The following ZBBX variants were observed in gnomAD, a reference collection of about 807,000 sequenced individuals.
The protein encoded by ZBBX is zinc finger B-box domain containing, also known as zinc finger B-box domain-containing protein 1.
A neutral mutation model predicts 108.5 loss-of-function variants in ZBBX; 101 were observed. That is an observed-to-expected ratio of 0.93 (90% CI 0.79 to 1.10). ZBBX has a LOEUF of 1.10. Among genes scored for constraint, ZBBX ranks in the 50% least tolerant of loss-of-function variants. The pLI is 0.00. For synonymous variants in ZBBX, 356 were observed against 323.4 expected, an observed-to-expected ratio of 1.10 and a Z score of -1.08; for missense variants, 1,009 against 941.4, an observed-to-expected ratio of 1.07 and a Z score of -0.94.
intron 20 of ZBBX, among the ~76,000 whole-genome samples, chr3:167,250,665 ATGCCCCC>A (rs1388871908): frequency 6.6e-6 from 1 of 151,980 alleles, no homozygotes; most frequent in East Asian, 1.9e-4. Context: ...CCCCAGAACA[ATGCCCCC>A]TGTCAGCAGG....
rs1160953814 is a variant in ZBBX, at chr3:167,380,293, TA to T, written c.-334del. On this transcript the variant is annotated 5_prime_UTR_variant, in exon 1 of 22. Transcript: ENST00000675490. ...GTCACCACCGCCGGATGGCCGCGGA[TA>T]GCTGCCGGGAGTTTCCGTCTTGGTC... The T allele has an allele frequency of 5.3e-5, 8 of 152,272 alleles. No individual in the cohort carries two copies. The highest frequency in any genetic ancestry group is 1.9e-4 in the African/African-American group (8 of 41,466). The allele number at this position is 152,272 out of a possible 1,614,324, so 9.4% of individuals were successfully genotyped here.
intron 10 of ZBBX, among the ~76,000 whole-genome samples, chr3:167,333,332 A>G (rs1329166881): frequency 6.6e-6 from 1 of 152,132 alleles, no homozygotes; most frequent in African/African-American, 2.4e-5. Flanking sequence ...AAATATATAG[A>G]CATGAGTTGA....
intron 16 of ZBBX, among the ~76,000 whole-genome samples, chr3:167,310,544 T>C (rs1053782569): frequency 1.1e-4 from 16 of 152,128 alleles, no homozygotes; most frequent in Admixed American, 8.5e-4. Flanking sequence ...CTTATAATCA[T>C]GGCAGAAGGT....
the ZBBX span, among the ~76,000 whole-genome samples, chr3:167,183,978 C>T: frequency 3.9e-5 from 6 of 152,110 alleles, no homozygotes; most frequent in African/African-American, 1.2e-4. Context: ...AAAGACAATT[C>T]TGTGTTGTAA....
intron 17 of ZBBX, among the ~76,000 whole-genome samples, chr3:167,302,727 T>C (rs984729126): frequency 1.3e-5 from 2 of 152,172 alleles, no homozygotes; most frequent in African/African-American, 4.8e-5. Flanking sequence ...AATGACTTTA[T>C]CACTCACAAC....
chr3:167,366,556 TA>T, intron 5 of ZBBX, among the ~76,000 whole-genome samples: 1 of 151,826 alleles, frequency 6.6e-6, no homozygotes, highest in Non-Finnish European at 1.5e-5. Context: ...CATTAAAAAA[TA>T]ACAATAAGAC....
At chr3:167,368,161 A>G (rs1003105252) in intron 5 of ZBBX, among the ~76,000 whole-genome samples, 1 of 151,518 alleles carries the variant, frequency 6.6e-6, no homozygotes, top group Non-Finnish European at 1.5e-5. Context: ...CACTGCTGTC[A>G]TAAACATTCC....
chr3:167,290,176 T>A lies in ZBBX; in HGVS notation c.1880-1193A>T, dbSNP rs967406850. On this transcript the variant is annotated intron_variant, in intron 18 of 21. Coordinates refer to ENST00000675490, the MANE Select transcript of ZBBX (RefSeq NM_001199201.2). ...GACTTAAACATCCCTGCCTGGCAGCTCTGAAGAGAACAGCAGATCTCCCAG... is the reference window on the plus strand; with the variant it reads ...GACTTAAACATCCCTGCCTGGCAGCACTGAAGAGAACAGCAGATCTCCCAG... Among the ~76,000 whole-genome samples the A allele has an allele frequency of 2.6e-5, 4 of 152,214 alleles. No homozygotes were observed. In the East Asian group the frequency reaches 7.8e-4, roughly 30 times the overall value.
chr3:167,263,878 C>A (rs563889005), intron 20 of ZBBX, among the ~76,000 whole-genome samples: 1 of 152,222 alleles, frequency 6.6e-6, no homozygotes, highest in East Asian at 1.9e-4. Context: ...ATAATATTTG[C>A]GTTATATATC....
At chr3:167,253,095 C>T (rs1357673187) in intron 20 of ZBBX, among the ~76,000 whole-genome samples, 1 of 151,882 alleles carries the variant, frequency 6.6e-6, no homozygotes, top group Non-Finnish European at 1.5e-5. Context: ...CCTCTAACCC[C>T]TATTAAATAA....
At chr3:167,276,505 T>C (rs200805656) in intron 20 of ZBBX, among the ~76,000 whole-genome samples, 2 of 151,784 alleles carry the variant, frequency 1.3e-5, no homozygotes, top group South Asian at 4.2e-4. Flanking sequence ...TGATGGAAGA[T>C]GAAATGAATA....
At chr3:167,309,624 G>C (rs888613230) in intron 16 of ZBBX, among the ~76,000 whole-genome samples, 2 of 152,200 alleles carry the variant, frequency 1.3e-5, no homozygotes, top group African/African-American at 4.8e-5. Context: ...TTTTAACCCT[G>C]ACTGCACTTG....
At chr3:167,219,696 T>C in the ZBBX span, among the ~76,000 whole-genome samples, 1 of 151,726 alleles carries the variant, frequency 6.6e-6, no homozygotes, top group African/African-American at 2.4e-5. Context: ...ATGATGCAAC[T>C]TGAAGAACTA....
chr3:167,332,022 TA>T (rs2108391840), intron 10 of ZBBX, among the ~76,000 whole-genome samples: 1 of 152,304 alleles, frequency 6.6e-6, no homozygotes, highest in East Asian at 1.9e-4. Context: ...GCCATTAAAT[TA>T]AAAATAAGAC....
chr3:167,400,630 T>C (rs1484897122), intron 1 of ZBBX, among the ~76,000 whole-genome samples: 3 of 152,108 alleles, frequency 2.0e-5, no homozygotes, highest in Non-Finnish European at 2.9e-5. Context: ...TATCAGTTAA[T>C]TTAGAAAGTT....
chr3:167,257,597 C>T (rs778754415), intron 20 of ZBBX, among the ~76,000 whole-genome samples: 5 of 151,966 alleles, frequency 3.3e-5, no homozygotes, highest in Non-Finnish European at 7.4e-5. Flanking sequence ...CATGGAGGGA[C>T]GTTAACTTTA....
chr3:167,253,774 ACAACTAGATATATAAAC>A (rs1365399127), intron 20 of ZBBX, among the ~76,000 whole-genome samples: 1 of 152,210 alleles, frequency 6.6e-6, no homozygotes, highest in Non-Finnish European at 1.5e-5. Context: ...AAGAAATGAC[ACAACTAGATATATAAAC>A]AAACTAGTAT....
Position 167,298,328 on chromosome 3 carries a change from G to C in ZBBX, c.1856C>G (p.Ser619Cys), listed in dbSNP as rs761442838. 6.3e-7 allele frequency: 1 copy of C among 1,597,074 alleles called. No homozygotes were observed. The change falls in exon 18 of 22, where the codon TCC becomes TGC. Residue 619 changes from serine to cysteine, a missense_variant. Physicochemically the swap from Ser to Cys is moderately radical, Grantham distance 112. Transcript: ENST00000675490. ...ACCTGCAAGTGTAATCCTAGTACTG[G>C]AATTGTTGCATTCTAAACGATGAGA... ...LPSHRLECNN[S>C]STRITLAEDR...
intron 11 of ZBBX, among the ~76,000 whole-genome samples, chr3:167,325,684 C>T (rs113519909): frequency 0.028 from 4,323 of 152,064 alleles, 84 homozygotes; most frequent in Non-Finnish European, 0.045. Context: ...ATCATTTGAC[C>T]CCACCACATA....
Sources: gnomAD v4.1 joint callset for allele counts (sites outside exome capture counted in the v4.1 genomes callset) on GRCh38, gnomAD v4.1.1 for gene constraint, MANE v1.5 for transcripts, NCBI Gene and HGNC (gene_info 2026-07-23, HGNC 2026-07-21) for gene names.